The following KCNMB2 variants were observed in gnomAD, a reference collection of about 807,000 sequenced individuals.
KCNMB2 encodes potassium calcium-activated channel subfamily M regulatory beta subunit 2.
KCNMB2 carries 9 observed loss-of-function variants against 24.5 expected under a neutral mutation model. That is an observed-to-expected ratio of 0.37 (90% CI 0.22 to 0.64). KCNMB2 has a LOEUF of 0.64. KCNMB2 is among the 30% of genes least tolerant of loss of function. The probability of loss-of-function intolerance (pLI) is 0.63; values close to 1 mark genes in which losing one functional copy is unlikely to be tolerated. For synonymous variants in KCNMB2, 109 were observed against 104.4 expected (o/e 1.04, Z -0.27); for missense variants, 226 against 284.3 (o/e 0.79, Z 1.47).
chr3:178,683,176 A>G (rs556490213), intron 1 of KCNMB2, among the ~76,000 whole-genome samples: 288 of 152,302 alleles, frequency 1.9e-3, no homozygotes, highest in Non-Finnish European at 3.1e-3. Flanking sequence ...TTGCAGCAAC[A>G]TGAATGCAGC....
At chr3:178,567,354 A>G (rs941244475) in intron 1 of KCNMB2, among the ~76,000 whole-genome samples, 5 of 152,206 alleles carry the variant, frequency 3.3e-5, no homozygotes, top group Non-Finnish European at 5.9e-5. Flanking sequence ...CTGAGCAACA[A>G]ATAGAAATGT....
At chr3:178,689,874 T>G (rs1052382234) in intron 1 of KCNMB2, among the ~76,000 whole-genome samples, 9 of 152,160 alleles carry the variant, frequency 5.9e-5, no homozygotes, top group Non-Finnish European at 1.0e-4. Context: ...AATATTACTG[T>G]GGAAACTTAC....
chr3:178,714,363 C>T (rs138571081), intron 1 of KCNMB2, among the ~76,000 whole-genome samples: 3 of 152,288 alleles, frequency 2.0e-5, no homozygotes, highest in African/African-American at 7.2e-5. Context: ...CAAGTGCTCT[C>T]CTGGACTCAT....
chr3:178,700,361 A>C (rs1324886435), intron 1 of KCNMB2, among the ~76,000 whole-genome samples: 2 of 152,224 alleles, frequency 1.3e-5, no homozygotes, highest in African/African-American at 4.8e-5. Flanking sequence ...TTTAAGCCTA[A>C]AGGCTTAATA....
intron 1 of KCNMB2, among the ~76,000 whole-genome samples, chr3:178,623,528 G>T (rs554870065): frequency 1.6e-4 from 25 of 152,230 alleles, no homozygotes; most frequent in Admixed American, 6.5e-4. Context: ...AAAATATTTT[G>T]ATATTCTAGT....
At chr3:178,734,955 A>G (rs1723269855) in intron 1 of KCNMB2, among the ~76,000 whole-genome samples, 1 of 152,206 alleles carries the variant, frequency 6.6e-6, no homozygotes. Flanking sequence ...AATCTCTGCC[A>G]CAATTAGCCC....
chr3:178,568,809 AGATAGATAATAG>A (rs1471944732), intron 1 of KCNMB2, among the ~76,000 whole-genome samples: 2 of 51,628 alleles, frequency 3.9e-5, no homozygotes, highest in African/African-American at 8.8e-5. Context: ...ATAGATAGAT[AGATAGATAATAG>A]ATAGATAGAT....
chr3:178,761,458 C>T (rs1172128997), intron 1 of KCNMB2, among the ~76,000 whole-genome samples: 1 of 152,210 alleles, frequency 6.6e-6, no homozygotes, highest in Non-Finnish European at 1.5e-5. Context: ...TCCTTACAGT[C>T]TATCCACATC....
chr3:178,580,355 T>G (rs1007553317), intron 1 of KCNMB2, among the ~76,000 whole-genome samples: 1 of 152,116 alleles, frequency 6.6e-6, no homozygotes, highest in African/African-American at 2.4e-5. Context: ...AAACTAGGTA[T>G]TGATACAATG....
At chr3:178,582,894 G>A (rs1385108201) in intron 1 of KCNMB2, among the ~76,000 whole-genome samples, 2 of 152,148 alleles carry the variant, frequency 1.3e-5, no homozygotes, top group East Asian at 3.8e-4. Flanking sequence ...CTGAACTATT[G>A]CATGACCACG....
At chr3:178,662,938 C>T (rs1365319355) in intron 1 of KCNMB2, among the ~76,000 whole-genome samples, 1 of 152,072 alleles carries the variant, frequency 6.6e-6, no homozygotes, top group Admixed American at 6.6e-5. Context: ...TATACAAAAC[C>T]ACCCAGAAAC....
chr3:178,810,366 C>G (rs1428681483), intron 2 of KCNMB2, among the ~76,000 whole-genome samples: 1 of 152,178 alleles, frequency 6.6e-6, no homozygotes, highest in African/African-American at 2.4e-5. Context: ...ACAAAATCCT[C>G]AGCTGCTCTC....
chr3:178,730,515 ATTTC>A (rs1048840033), intron 1 of KCNMB2, among the ~76,000 whole-genome samples: 3 of 150,602 alleles, frequency 2.0e-5, no homozygotes, highest in African/African-American at 4.9e-5. Context: ...TGCAAAGGCC[ATTTC>A]TTCACATAAC....
intron 1 of KCNMB2, among the ~76,000 whole-genome samples, chr3:178,792,721 A>C (rs1212337826): frequency 6.6e-6 from 1 of 152,254 alleles, no homozygotes; most frequent in Admixed American, 6.5e-5. Context: ...AAAGGAGTGG[A>C]AAAAGATATT....
chr3:178,810,010 G>A (rs960006657), intron 2 of KCNMB2, among the ~76,000 whole-genome samples: 1 of 149,394 alleles, frequency 6.7e-6, no homozygotes, highest in African/African-American at 2.5e-5. Context: ...AAGTTAATTT[G>A]TCTGTGCTTT....
chr3:178,587,741 T>C (rs1238497236), intron 1 of KCNMB2, among the ~76,000 whole-genome samples: 5 of 58,824 alleles, frequency 8.5e-5, no homozygotes, highest in Non-Finnish European at 1.6e-4. Context: ...CCAGTAATCT[T>C]TTTTTTTTTT....
In KCNMB2 at chr3:178,790,941, A is replaced by G. The variant is rs1713297792; in HGVS notation, c.-67-16402A>G. ...TAATGCAGATACAGCTGCAGTGACC[A>G]AAGTTTTAGATCACAACACTTCATT... is the stretch of plus-strand genomic sequence containing the variant. On this transcript the variant is annotated intron_variant, in intron 1 of 4. Transcript: ENST00000452583. Among the ~76,000 whole-genome samples the G allele has an allele frequency of 1.3e-5, 2 of 152,360 alleles. 1 individual carries two copies. The highest frequency in any genetic ancestry group is 4.1e-4 in the South Asian group (2 of 4,832).
At position 178,597,668 on chromosome 3, in the gene KCNMB2, C is replaced by T. The variant is rs10084711; in HGVS notation, c.-68+60957C>T. ...ATGAACTGCATTAAGACTCCTGAAG[C>T]AGAAATACTGGAGGTGCTCAAGTAT... On this transcript the variant is annotated intron_variant, in intron 1 of 4. Coordinates refer to ENST00000452583, the MANE Select transcript of KCNMB2 (RefSeq NM_181361.3). 5.0e-3 allele frequency among the ~76,000 whole-genome samples: 763 copies of T among 152,260 alleles called. 3 individuals are homozygous for T. Among genetic ancestry groups the T allele is most frequent in the African/African-American group, 0.017 (717 of 41,540 alleles).
intron 2 of KCNMB2, among the ~76,000 whole-genome samples, chr3:178,818,610 CA>C (rs1192267509): frequency 6.6e-6 from 1 of 152,154 alleles, no homozygotes; most frequent in Non-Finnish European, 1.5e-5. Context: ...TCTCCTCCAT[CA>C]TTTCTCTTTT....
Sources: allele counts gnomAD v4.1 joint callset (sites outside exome capture counted in the v4.1 genomes callset), GRCh38; gene constraint gnomAD v4.1.1; transcripts MANE v1.5; gene names NCBI Gene and HGNC (gene_info 2026-07-23, HGNC 2026-07-21).